SNX29: variants seen among roughly 807,000 people sequenced by gnomAD.
SNX29 encodes sorting nexin-29.
SNX29 carries 78 observed loss-of-function variants against 102.1 expected under a neutral mutation model. The observed-to-expected ratio is 0.76, with a 90% confidence interval of 0.64 to 0.92. The LOEUF (loss-of-function observed/expected upper bound fraction) is 0.92. Among genes scored for constraint, SNX29 ranks in the 40% least tolerant of loss-of-function variants. The pLI is 0.00. For synonymous variants in SNX29, 580 were observed against 414.5 expected (o/e 1.40, Z -4.85); for missense variants, 1,280 against 1,061.7 (o/e 1.21, Z -2.86).
At chr16:12,490,259 C>T (rs776012287) in intron 19 of SNX29, among the ~76,000 whole-genome samples, 1 of 152,140 alleles carries the variant, frequency 6.6e-6, no homozygotes, top group Non-Finnish European at 1.5e-5. Flanking sequence ...TGTTAAAGGG[C>T]CACTGTGCTG....
intron 13 of SNX29, among the ~76,000 whole-genome samples, chr16:12,171,517 C>G (rs977963342): frequency 6.6e-6 from 1 of 152,200 alleles, no homozygotes; most frequent in African/African-American, 2.4e-5. Flanking sequence ...TGCTGAGCAC[C>G]CAGCTCTGGC....
At chr16:12,124,388 C>A (rs890143143) in intron 11 of SNX29, among the ~76,000 whole-genome samples, 1 of 151,684 alleles carries the variant, frequency 6.6e-6, no homozygotes, top group Non-Finnish European at 1.5e-5. Flanking sequence ...TCTTTCTACA[C>A]TGCCAGTTTA....
At chr16:12,478,575 G>A (rs2087764137) in intron 19 of SNX29, among the ~76,000 whole-genome samples, 1 of 152,222 alleles carries the variant, frequency 6.6e-6, no homozygotes, top group East Asian at 1.9e-4. Flanking sequence ...CTCCAATTGT[G>A]TGTCATTGTG....
chr16:12,438,398 C>G (rs975068906), intron 18 of SNX29, among the ~76,000 whole-genome samples: 1 of 152,116 alleles, frequency 6.6e-6, no homozygotes, highest in Non-Finnish European at 1.5e-5. Context: ...TCCCCCTTAC[C>G]ACCCAGTTTA....
intron 11 of SNX29, among the ~76,000 whole-genome samples, chr16:12,100,854 G>A (rs2052979609): frequency 6.6e-6 from 1 of 152,100 alleles, no homozygotes; most frequent in Non-Finnish European, 1.5e-5. Context: ...GGGACAGCAG[G>A]GAGGGCAGCT....
intron 8 of SNX29, among the ~76,000 whole-genome samples, chr16:12,054,750 C>A (rs1014787895): frequency 1.3e-5 from 2 of 152,172 alleles, no homozygotes; most frequent in African/African-American, 2.4e-5. Flanking sequence ...GTATTTGTAT[C>A]TCTCTGTCTC....
intron 15 of SNX29, among the ~76,000 whole-genome samples, chr16:12,319,337 G>A (rs2080854068): frequency 2.0e-5 from 3 of 152,110 alleles, no homozygotes; most frequent in African/African-American, 7.2e-5. Context: ...CTCTACAAAA[G>A]TAAAAAGTTA....
At chr16:12,431,434 C>CTTCTTTTTTTTTTTTTT (rs779738786) in intron 18 of SNX29, among the ~76,000 whole-genome samples, 1 of 136,952 alleles carries the variant, frequency 7.3e-6, no homozygotes, top group South Asian at 2.3e-4. Context: ...TCTTCTTCTT[C>CTTCTTTTTTTTTTTTTT]TTTTTTTTTT....
chr16:12,126,484 T>A, intron 11 of SNX29, 149 bp from the exon 12 acceptor site: 1 of 761,820 alleles, frequency 1.3e-6, no homozygotes, highest in South Asian at 1.9e-5. Flanking sequence ...CAGCCGAGTC[T>A]CTTAGACTGT....
chr16:12,246,051 C>A (rs776241381), intron 14 of SNX29, among the ~76,000 whole-genome samples: 1 of 152,138 alleles, frequency 6.6e-6, no homozygotes, highest in African/African-American at 2.4e-5. Context: ...GGGAAGCACT[C>A]CATAAACAGC....
At chr16:12,565,887 C>T (rs765660893) in intron 20 of SNX29, among the ~76,000 whole-genome samples, 4 of 151,680 alleles carry the variant, frequency 2.6e-5, no homozygotes, top group Non-Finnish European at 4.4e-5. Flanking sequence ...AACCTGAGTT[C>T]CCTCTCATTG....
chr16:12,486,071 A>G (rs1379859560), intron 19 of SNX29, among the ~76,000 whole-genome samples: 2 of 152,212 alleles, frequency 1.3e-5, no homozygotes, highest in African/African-American at 2.4e-5. Context: ...GCGAGGCTGC[A>G]TTTCTTTCTA....
intron 3 of SNX29, among the ~76,000 whole-genome samples, chr16:12,022,876 A>T (rs914530940): frequency 1.3e-5 from 2 of 148,278 alleles, no homozygotes; most frequent in African/African-American, 4.9e-5. Context: ...ATGTTGTAGC[A>T]TGGATCAGTA....
intron 16 of SNX29, among the ~76,000 whole-genome samples, chr16:12,391,451 C>T (rs534215428): frequency 2.6e-5 from 4 of 152,148 alleles, no homozygotes; most frequent in East Asian, 1.9e-4. Flanking sequence ...ATAATTCAGT[C>T]GTTCTTCCAG....
chr16:12,347,775 A>G (rs1218405238), intron 15 of SNX29, among the ~76,000 whole-genome samples: 1 of 152,136 alleles, frequency 6.6e-6, no homozygotes, highest in Non-Finnish European at 1.5e-5. Flanking sequence ...CTCATTTGAC[A>G]AATAAGATAC....
intron 15 of SNX29, among the ~76,000 whole-genome samples, chr16:12,282,899 C>A (rs750730557): frequency 6.6e-6 from 1 of 152,152 alleles, no homozygotes; most frequent in African/African-American, 2.4e-5. Flanking sequence ...TTAGGTGATC[C>A]GCCTGCCTTG....
chr16:12,465,262 C>G (rs1357667530), intron 18 of SNX29, among the ~76,000 whole-genome samples: 1 of 144,756 alleles, frequency 6.9e-6, no homozygotes, highest in Non-Finnish European at 1.5e-5. Flanking sequence ...ATTGCCTGTG[C>G]TTTGGTAACA....
chr16:12,259,562 A>C (rs2078673161), intron 14 of SNX29, among the ~76,000 whole-genome samples: 1 of 152,208 alleles, frequency 6.6e-6, no homozygotes, highest in Non-Finnish European at 1.5e-5. Flanking sequence ...AAGCCAGCCC[A>C]GGGTCACGTG....
At chr16:12,568,321 A>G (rs1178234038) in intron 20 of SNX29, among the ~76,000 whole-genome samples, 185 bp from the exon 21 acceptor site, 3 of 146,534 alleles carry the variant, frequency 2.0e-5, no homozygotes, top group Admixed American at 1.4e-4. Context: ...AAAAAAATGG[A>G]AAGGTTTACG....
Sources: gnomAD v4.1 joint callset for allele counts (sites outside exome capture counted in the v4.1 genomes callset) on GRCh38, gnomAD v4.1.1 for gene constraint, MANE v1.5 for transcripts, NCBI Gene and HGNC (gene_info 2026-07-23, HGNC 2026-07-21) for gene names.